Variants in AFF3 observed in about 807,000 individuals in gnomAD.
AFF3 encodes the protein ALF transcription elongation factor 3, also known as AF4/FMR2 family member 3.
In AFF3, 32 loss-of-function variants were observed where a neutral mutation model predicts 129.7. The observed-to-expected ratio is 0.25, with a 90% CI of 0.19 to 0.33. The LOEUF (loss-of-function observed/expected upper bound fraction) is 0.33. AFF3 is among the 10% of genes least tolerant of loss of function. The pLI, the probability that AFF3 is intolerant of heterozygous loss-of-function variation, is 1.00. For synonymous variants in AFF3, 644 were observed against 635.4 expected (o/e 1.01, Z -0.20); for missense variants, 1,373 against 1,592.0 (o/e 0.86, Z 2.34).
intron 2 of AFF3, among the ~76,000 whole-genome samples, chr2:100,108,075 C>G (rs1417885565): frequency 6.6e-6 from 1 of 152,210 alleles, no homozygotes; most frequent in Non-Finnish European, 1.5e-5. Flanking sequence ...TCTCCTCCAG[C>G]TTTGTCCCTA....
chr2:99,953,864 C>G (rs1185749694), intron 7 of AFF3, among the ~76,000 whole-genome samples: 2 of 152,202 alleles, frequency 1.3e-5, no homozygotes, highest in African/African-American at 4.8e-5. Flanking sequence ...GCCTTGACCT[C>G]CACATCGCCA....
intron 24 of AFF3, among the ~76,000 whole-genome samples, chr2:99,553,741 G>A (rs1365285401): frequency 6.6e-6 from 1 of 151,454 alleles, no homozygotes; most frequent in East Asian, 1.9e-4. Context: ...GTGAAACCCC[G>A]CCTCTACTAA....
At chr2:99,880,920 A>AC (rs1191886889) in intron 7 of AFF3, among the ~76,000 whole-genome samples, 1 of 152,144 alleles carries the variant, frequency 6.6e-6, no homozygotes, top group Non-Finnish European at 1.5e-5. Context: ...CCTTCTGTCT[A>AC]CCCCGCAAGT....
intron 2 of AFF3, among the ~76,000 whole-genome samples, chr2:100,126,658 A>G (rs932140656): frequency 1.3e-5 from 2 of 152,192 alleles, no homozygotes; most frequent in Admixed American, 1.3e-4. Context: ...ACTTGTCATA[A>G]TTATTTTTCT....
chr2:99,714,563 A>AAAG (rs60216444), intron 11 of AFF3, among the ~76,000 whole-genome samples: 9,194 of 152,230 alleles, frequency 0.06, 450 homozygotes, highest in East Asian at 0.25. Context: ...TCATAGACTA[A>AAAG]AAGATCAGCC....
chr2:99,928,638 A>G (rs778216868), intron 7 of AFF3, among the ~76,000 whole-genome samples: 1 of 152,184 alleles, frequency 6.6e-6, no homozygotes, highest in Non-Finnish European at 1.5e-5. Flanking sequence ...TTTTTATCGT[A>G]TCACTTCAGT....
chr2:99,609,514 A>C (rs1316621495), intron 13 of AFF3, among the ~76,000 whole-genome samples: 1 of 152,232 alleles, frequency 6.6e-6, no homozygotes, highest in African/African-American at 2.4e-5. Context: ...CTTCACTTAG[A>C]ATAATAGTCT....
intron 22 of AFF3, among the ~76,000 whole-genome samples, chr2:99,555,486 C>T (rs890011609): frequency 6.6e-6 from 1 of 152,188 alleles, no homozygotes; most frequent in African/African-American, 2.4e-5. Context: ...GATGTTCAAA[C>T]ATTCTGGTTT....
rs555980210 is a variant in AFF3 at position 100,064,476 on chromosome 2, A to C, written c.53+39926T>G. Among the ~76,000 whole-genome samples, 285 of 152,356 alleles carry C rather than the reference A, an allele frequency of 1.9e-3. 1 individual carries two copies. The highest frequency in any genetic ancestry group is 3.9e-3 in the South Asian group (19 of 4,828). Reference sequence around the variant, plus strand: ...TTCTGAAGTTCTCATTAACATATTAATATTCTTGACTGAATATCTGAATTG... The same window carrying C: ...TTCTGAAGTTCTCATTAACATATTACTATTCTTGACTGAATATCTGAATTG... On this transcript the variant is annotated intron_variant, in intron 4 of 24. Coordinates refer to ENST00000672756, the MANE Select transcript of AFF3 (RefSeq NM_001386135.1).
chr2:99,965,725 C>T (rs889450019), intron 7 of AFF3, among the ~76,000 whole-genome samples: 6 of 152,152 alleles, frequency 3.9e-5, no homozygotes, highest in African/African-American at 1.4e-4. Context: ...CCTTCTGAGC[C>T]CAAGGCCCAG....
At chr2:99,997,147 C>A (rs1006651306) in intron 7 of AFF3, among the ~76,000 whole-genome samples, 6 of 152,174 alleles carry the variant, frequency 3.9e-5, no homozygotes, top group African/African-American at 1.4e-4. Context: ...ACTCCCAAAT[C>A]TACACCTCCA....
intron 11 of AFF3, among the ~76,000 whole-genome samples, chr2:99,704,188 T>C (rs1435837069): frequency 1.3e-5 from 2 of 152,238 alleles, no homozygotes; most frequent in Non-Finnish European, 2.9e-5. Flanking sequence ...AAGAATAGTC[T>C]AGTATGTTTA....
intron 8 of AFF3, among the ~76,000 whole-genome samples, 165 bp downstream of exon 8, chr2:99,837,312 G>T (rs897050559): frequency 6.6e-6 from 1 of 152,118 alleles, no homozygotes; most frequent in African/African-American, 2.4e-5. Context: ...GCAGCTCCTA[G>T]ATTGTTAACA....
At chr2:99,872,978 C>G (rs1691996898) in intron 7 of AFF3, among the ~76,000 whole-genome samples, 2 of 152,204 alleles carry the variant, frequency 1.3e-5, no homozygotes, top group Admixed American at 1.3e-4. Context: ...GACAAGTTCA[C>G]TCCATTCATT....
intron 4 of AFF3, among the ~76,000 whole-genome samples, chr2:100,049,287 G>A (rs1035989923): frequency 1.3e-5 from 2 of 152,116 alleles, no homozygotes; most frequent in African/African-American, 4.8e-5. Context: ...TGTCTTGATG[G>A]GATATTCTCG....
intron 8 of AFF3, among the ~76,000 whole-genome samples, chr2:99,806,462 TGGA>T (rs1224649594): frequency 6.6e-6 from 1 of 152,114 alleles, no homozygotes; most frequent in Non-Finnish European, 1.5e-5. Context: ...CCCAGGAGCA[TGGA>T]GGAGGATGAG....
At chr2:99,778,193 G>A (rs6757959) in intron 8 of AFF3, among the ~76,000 whole-genome samples, 8,644 of 152,040 alleles carry the variant, frequency 0.057, 836 homozygotes, top group African/African-American at 0.2. Flanking sequence ...CTGTCTGCCC[G>A]GAACACCCTT....
At chr2:100,118,861 G>C (rs999963690) in intron 2 of AFF3, among the ~76,000 whole-genome samples, 1 of 150,704 alleles carries the variant, frequency 6.6e-6, no homozygotes, top group Non-Finnish European at 1.5e-5. Flanking sequence ...GCCCAGGCTA[G>C]GGTGCAGTGA....
intron 11 of AFF3, among the ~76,000 whole-genome samples, chr2:99,714,546 G>C (rs944354520): frequency 6.6e-6 from 1 of 151,542 alleles, no homozygotes; most frequent in Non-Finnish European, 1.5e-5. Flanking sequence ...CTCTGTGGAC[G>C]GACACCTCAT....
Sources: gnomAD v4.1 joint callset for allele counts (sites outside exome capture counted in the v4.1 genomes callset) on GRCh38, gnomAD v4.1.1 for gene constraint, MANE v1.5 for transcripts, NCBI Gene and HGNC (gene_info 2026-07-23, HGNC 2026-07-21) for gene names.